SNX29: variants seen among roughly 807,000 people sequenced by gnomAD.
The protein encoded by SNX29 is sorting nexin-29.
In SNX29, 78 loss-of-function variants were observed where a neutral mutation model predicts 102.1. That is an observed-to-expected ratio of 0.76 (90% CI 0.64 to 0.92). The LOEUF (loss-of-function observed/expected upper bound fraction) is 0.92, where lower values mean the gene tolerates loss of function less well. Among genes scored for constraint, SNX29 ranks in the 40% least tolerant of loss-of-function variants. SNX29 has a pLI of 0.00. For synonymous variants in SNX29, 580 were observed against 414.5 expected (o/e 1.40, Z -4.85); for missense variants, 1,280 against 1,061.7 (o/e 1.21, Z -2.86).
At position 12,573,818 on chromosome 16, in the gene SNX29, T is replaced by C; in HGVS notation, c.*5189T>C. On this transcript the variant is annotated 3_prime_UTR_variant, in exon 21 of 21. Coordinates refer to ENST00000566228, the MANE Select transcript of SNX29 (RefSeq NM_032167.5). ...GTGAAGGGGATGGGGGTAGAGCTAATTGGAATTTTTATTATCCAGGACTCA... is the reference window on the plus strand; with the variant it reads ...GTGAAGGGGATGGGGGTAGAGCTAACTGGAATTTTTATTATCCAGGACTCA... 1 of 217,660 alleles carries C rather than the reference T, an allele frequency of 4.6e-6. No individual in the cohort carries two copies. 13.5% of individuals were successfully genotyped at this position (217,660 alleles called of 1,614,324 possible).
intron 16 of SNX29, among the ~76,000 whole-genome samples, chr16:12,384,911 C>T (rs2083292446): frequency 6.6e-6 from 1 of 152,360 alleles, no homozygotes; most frequent in African/African-American, 2.4e-5. Context: ...TGGCTCCTGC[C>T]TATAATCCCA....
intron 8 of SNX29, among the ~76,000 whole-genome samples, chr16:12,056,358 G>A (rs1393008241): frequency 6.6e-6 from 1 of 152,192 alleles, no homozygotes; most frequent in Non-Finnish European, 1.5e-5. Flanking sequence ...AAGCCAGAGG[G>A]CCTCCTGCAG....
At chr16:12,558,836 C>CT (rs1345758433) in intron 20 of SNX29, among the ~76,000 whole-genome samples, 1 of 152,170 alleles carries the variant, frequency 6.6e-6, no homozygotes, top group Non-Finnish European at 1.5e-5. Flanking sequence ...CCACAGTCAC[C>CT]AAGAGCCACA....
At position 12,056,879 on chromosome 16, in the gene SNX29, A is replaced by C. The variant is rs150642323; in HGVS notation, c.1125-4649A>C. On this transcript the variant is annotated intron_variant, in intron 8 of 20. Coordinates refer to ENST00000566228, the MANE Select transcript of SNX29 (RefSeq NM_032167.5). ...TGCTCTGTCATCCAGGCTGGAGTGC[A>C]GTGGCCTGATCACACCCTCAACTCA... 1.1e-3 allele frequency among the ~76,000 whole-genome samples: 162 copies of C among 152,056 alleles called. 1 individual carries two copies. Among genetic ancestry groups the C allele is most frequent in the African/African-American group, 3.7e-3 (152 of 41,446 alleles).
chr16:12,246,034 G>C (rs2078250803), intron 14 of SNX29, among the ~76,000 whole-genome samples: 1 of 152,158 alleles, frequency 6.6e-6, no homozygotes, highest in Non-Finnish European at 1.5e-5. Flanking sequence ...CATCCTACCT[G>C]GTGTGTGGGA....
intron 13 of SNX29, among the ~76,000 whole-genome samples, chr16:12,158,052 C>G (rs1453414540): frequency 1.3e-5 from 2 of 151,890 alleles, no homozygotes; most frequent in African/African-American, 4.8e-5. Context: ...CCAACTCCAG[C>G]TGACCGTGCA....
chr16:12,455,426 G>A (rs1038285417), intron 18 of SNX29, among the ~76,000 whole-genome samples: 1 of 152,166 alleles, frequency 6.6e-6, no homozygotes. Context: ...CGCCGTGGCT[G>A]TAACTGACCT....
chr16:12,081,027 A>AT (rs1183909149), intron 11 of SNX29, among the ~76,000 whole-genome samples: 1 of 152,096 alleles, frequency 6.6e-6, no homozygotes, highest in Non-Finnish European at 1.5e-5. Flanking sequence ...GAATTCCTTT[A>AT]TTTTTTGAAA....
At chr16:12,400,114 C>T (rs74932260) in intron 17 of SNX29, among the ~76,000 whole-genome samples, 3 of 152,166 alleles carry the variant, frequency 2.0e-5, no homozygotes, top group East Asian at 3.9e-4. Flanking sequence ...GGAACCTCCC[C>T]CAACCAGTTT....
Position 12,539,922 on chromosome 16 carries a change from C to G in SNX29, c.2318+15081C>G, listed in dbSNP as rs1270605880. On this transcript the variant is annotated intron_variant, in intron 20 of 20. Coordinates refer to ENST00000566228, the MANE Select transcript of SNX29 (RefSeq NM_032167.5). ...TACAAAGATTTGAGTTTTGGGAGTT[C>G]TTTGTATATGTTAGATGCAAGACCT... 3.3e-5 allele frequency among the ~76,000 whole-genome samples: 5 copies of G among 152,116 alleles called. No homozygotes were observed. In the East Asian group the frequency reaches 5.8e-4, roughly 18 times the overall value.
chr16:12,146,129 C>T (rs2055056541), intron 13 of SNX29, among the ~76,000 whole-genome samples: 1 of 152,236 alleles, frequency 6.6e-6, no homozygotes, highest in South Asian at 2.1e-4. Context: ...CCTCGATTTG[C>T]ATTGCAGCTG....
chr16:12,160,179 T>G (rs1240308395), intron 13 of SNX29, among the ~76,000 whole-genome samples: 2 of 152,218 alleles, frequency 1.3e-5, no homozygotes, highest in Non-Finnish European at 2.9e-5. Flanking sequence ...GGATGCCCAC[T>G]GTTTGCCCCA....
intron 18 of SNX29, among the ~76,000 whole-genome samples, chr16:12,438,404 G>C (rs1306278098): frequency 6.6e-6 from 1 of 151,884 alleles, no homozygotes; most frequent in African/African-American, 2.4e-5. Flanking sequence ...TTACCACCCA[G>C]TTTACCTCTC....
At position 12,571,381 on chromosome 16, in the gene SNX29, C is replaced by A; in HGVS notation, c.*2752C>A. On this transcript the variant is annotated 3_prime_UTR_variant, in exon 21 of 21. Coordinates refer to ENST00000566228, the MANE Select transcript of SNX29 (RefSeq NM_032167.5). ...CTTATCCATGAGTGGCGAAGACACC[C>A]CTGAGGAAAGGATTGCTTGCACCTC... is the stretch of plus-strand genomic sequence containing the variant. 4.3e-6 allele frequency: 1 copy of A among 231,758 alleles called. No homozygotes were observed. Among genetic ancestry groups the A allele is most frequent in the Non-Finnish European group, 8.5e-6 (1 of 117,242 alleles). 14.4% of individuals were successfully genotyped at this position (231,758 alleles called of 1,614,324 possible). A position where few individuals can be genotyped will look rare whatever the true frequency, so the allele number is the denominator to read the frequency against.
chr16:12,545,315 A>G (rs914900945), intron 20 of SNX29, among the ~76,000 whole-genome samples: 3 of 149,922 alleles, frequency 2.0e-5, no homozygotes, highest in Non-Finnish European at 4.5e-5. Context: ...GAAGACTCGC[A>G]TCCACCAGAG....
chr16:11,999,083 A>G (rs2056193150), intron 1 of SNX29, among the ~76,000 whole-genome samples: 1 of 152,222 alleles, frequency 6.6e-6, no homozygotes, highest in Admixed American at 6.5e-5. Context: ...CCTTTAGACC[A>G]TTCTAGACAT....
intron 20 of SNX29, among the ~76,000 whole-genome samples, chr16:12,544,521 A>T (rs1279684608): frequency 6.6e-6 from 1 of 151,784 alleles, no homozygotes; most frequent in African/African-American, 2.4e-5. Flanking sequence ...TTCTGTGGGG[A>T]ATTGTGTGGC....
At chr16:12,474,866 A>G (rs1179974829) in intron 18 of SNX29, among the ~76,000 whole-genome samples, 1 of 152,180 alleles carries the variant, frequency 6.6e-6, no homozygotes, top group Non-Finnish European at 1.5e-5. Context: ...AGCAGTGCTC[A>G]TGTTTTCTCT....
intron 19 of SNX29, among the ~76,000 whole-genome samples, chr16:12,496,425 A>G (rs374840509): frequency 1.2e-4 from 18 of 151,458 alleles, no homozygotes; most frequent in African/African-American, 3.9e-4. Context: ...GAGGCACTCA[A>G]TGGAGGCTGG....
Sources: allele counts gnomAD v4.1 joint callset (sites outside exome capture counted in the v4.1 genomes callset), GRCh38; gene constraint gnomAD v4.1.1; transcripts MANE v1.5; gene names NCBI Gene and HGNC (gene_info 2026-07-23, HGNC 2026-07-21).